TRMT44: variants seen among roughly 807,000 people sequenced by gnomAD.
TRMT44 encodes probable tRNA (uracil-O(2)-)-methyltransferase.
TRMT44 carries 78 observed loss-of-function variants against 77.3 expected under a neutral mutation model. The observed-to-expected ratio is 1.01, with a 90% CI of 0.84 to 1.22. The LOEUF (loss-of-function observed/expected upper bound fraction) is 1.22. Among genes scored for constraint, TRMT44 ranks in the 50% most tolerant of loss-of-function variants. TRMT44 has a pLI of 0.00. For missense variants in TRMT44, 1,090 were observed against 964.4 expected (o/e 1.13, Z -1.73); for synonymous variants, 391 against 383.3 (o/e 1.02, Z -0.23).
chr4:8,445,866 C>G (rs1051391072), intron 1 of TRMT44, among the ~76,000 whole-genome samples: 2 of 152,040 alleles, frequency 1.3e-5, no homozygotes, highest in Non-Finnish European at 2.9e-5. Context: ...CAAAGGTAAA[C>G]ACGATTGATT....
chr4:8,499,187 AG>A, the TRMT44 span, among the ~76,000 whole-genome samples: 7 of 152,044 alleles, frequency 4.6e-5, no homozygotes, highest in Non-Finnish European at 8.8e-5. Flanking sequence ...TCTGGGTTCT[AG>A]GGTCCTGGGG....
rs546060570 is a variant in TRMT44 at position 8,461,208 on chromosome 4, T to C, written c.1204-2777T>C. Among the ~76,000 whole-genome samples, 2 of 152,288 alleles carry C rather than the reference T, an allele frequency of 1.3e-5. No individual in the cohort carries two copies. The highest frequency in any genetic ancestry group is 2.9e-5 in the Non-Finnish European group (2 of 68,016). On this transcript the variant is annotated intron_variant, in intron 6 of 10. Coordinates refer to ENST00000389737, the MANE Select transcript of TRMT44 (RefSeq NM_152544.3). This position sits in a 1 kb window ranked among gnomAD's most constrained non-coding sequence, Gnocchi z 4.6. Reference sequence around the variant, plus strand: ...GCTTTGTTTTACAGTGATTGGCAGTTGCTTGTCCACTCATACATTACATTA... The same window carrying C: ...GCTTTGTTTTACAGTGATTGGCAGTCGCTTGTCCACTCATACATTACATTA...
intron 6 of TRMT44, among the ~76,000 whole-genome samples, chr4:8,462,168 T>C (rs948459247): frequency 6.6e-6 from 1 of 152,040 alleles, no homozygotes; most frequent in Non-Finnish European, 1.5e-5. Context: ...CCCAGCACTT[T>C]GGGAGGCCGA....
chr4:8,502,490 G>A, the TRMT44 span, among the ~76,000 whole-genome samples: 2 of 152,246 alleles, frequency 1.3e-5, no homozygotes, highest in South Asian at 2.1e-4. Flanking sequence ...CCCTGCTCAC[G>A]GTCACATCAG....
At chr4:8,474,700 G>A (rs1727254627) in intron 10 of TRMT44, among the ~76,000 whole-genome samples, 1 of 152,240 alleles carries the variant, frequency 6.6e-6, no homozygotes, top group Admixed American at 6.5e-5. Context: ...CGAGCCTTCT[G>A]TCGTGAGCGG....
intron 9 of TRMT44, among the ~76,000 whole-genome samples, chr4:8,469,491 C>T (rs1191746226): frequency 1.3e-5 from 2 of 152,208 alleles, no homozygotes; most frequent in Admixed American, 6.5e-5. Context: ...TAAACAGTGA[C>T]AGTTCTTGAG....
chr4:8,457,691 G>A (rs1725889352), intron 6 of TRMT44, among the ~76,000 whole-genome samples: 1 of 152,230 alleles, frequency 6.6e-6, no homozygotes, highest in South Asian at 2.1e-4. Flanking sequence ...AAGCTACCGA[G>A]CCTGAAACAA....
At chr4:8,447,104 G>C (rs1040445261) in intron 2 of TRMT44, among the ~76,000 whole-genome samples, 3 of 152,140 alleles carry the variant, frequency 2.0e-5, no homozygotes, top group Non-Finnish European at 4.4e-5. Context: ...TCAAACTCCT[G>C]ACCTCAGGTG....
intron 5 of TRMT44, chr4:8,453,787 A>G (rs1360245196): frequency 6.6e-6 from 1 of 152,278 alleles, no homozygotes; most frequent in African/African-American, 2.4e-5. Flanking sequence ...CTAGGGGGCA[A>G]CAGCTGGAAC....
Position 8,446,430 on chromosome 4 carries a change from G to A in TRMT44, c.620-46G>A. On this transcript the variant is annotated intron_variant, in intron 1 of 10. Coordinates refer to ENST00000389737, the MANE Select transcript of TRMT44 (RefSeq NM_152544.3). The surrounding 1 kb of genome is among the most constrained non-coding windows in gnomAD (Gnocchi z 4.3). ...TTTTAATACTGCTTCTGATGAGACG[G>A]TAGCTAGGCAGTTGTAATTTGTCCT... 2 of 1,228,658 alleles carry A rather than the reference G, an allele frequency of 1.6e-6. No homozygotes were observed. The highest frequency in any genetic ancestry group is 2.3e-6 in the Non-Finnish European group (2 of 868,400). 76.1% of individuals were successfully genotyped at this position (1,228,658 alleles called of 1,614,324 possible).
In TRMT44 at chr4:8,444,632, A is replaced by C. The variant is rs180743961; in HGVS notation, c.620-1844A>C. Reference sequence around the variant, plus strand: ...AGACTGGTCTCCTACTCCTGACCTCACGTGATCCGCCTGCCTTGGCCTCCC... The same window carrying C: ...AGACTGGTCTCCTACTCCTGACCTCCCGTGATCCGCCTGCCTTGGCCTCCC... On this transcript the variant is annotated intron_variant, in intron 1 of 10. Coordinates refer to ENST00000389737, the MANE Select transcript of TRMT44 (RefSeq NM_152544.3). The surrounding 1 kb of genome is among the most constrained non-coding windows in gnomAD (Gnocchi z 4.0). 6.6e-5 allele frequency among the ~76,000 whole-genome samples: 10 copies of C among 152,306 alleles called. No homozygotes were observed. The East Asian group carries it at 1.9e-3, about 29-fold the overall frequency.
rs749119568 is a variant in TRMT44, at chr4:8,467,965, G to C, written c.1546G>C (p.Val516Leu). ...RTYPSSREAS[V>L]DEKRTQYIKS... ...ATACCCTTCCTCCAGAGAAGCTTCC[G>C]TGGATGAAAAGAGGACTCAGTACAT... Residue 516 changes from valine to leucine, a missense_variant, in exon 9 of 11, where the codon GTG becomes CTG. Val to Leu is a conservative substitution (Grantham distance 32). Transcript: ENST00000389737. 1.2e-6 allele frequency: 2 copies of C among 1,613,898 alleles called. No homozygotes were observed. Among genetic ancestry groups the C allele is most frequent in the East Asian group, 2.2e-5 (1 of 44,866 alleles).
chr4:8,499,732 G>A, the TRMT44 span, among the ~76,000 whole-genome samples: 1 of 152,202 alleles, frequency 6.6e-6, no homozygotes, highest in African/African-American at 2.4e-5. Flanking sequence ...GCAGAAAGAG[G>A]GGGATCACAG....
chr4:8,474,598 G>T (rs1185741260), intron 10 of TRMT44, among the ~76,000 whole-genome samples: 3 of 152,250 alleles, frequency 2.0e-5, no homozygotes, highest in Admixed American at 6.5e-5. Context: ...AAGGTGATTT[G>T]AAGGCAGAAT....
the TRMT44 span, among the ~76,000 whole-genome samples, chr4:8,502,314 C>T: frequency 1.3e-5 from 2 of 152,220 alleles, no homozygotes; most frequent in African/African-American, 2.4e-5. Context: ...TTGACCACAT[C>T]TGCAATCCTC....
downstream of TRMT44, among the ~76,000 whole-genome samples, chr4:8,494,623 GTC>G (rs1289133354): frequency 6.6e-6 from 1 of 152,170 alleles, no homozygotes; most frequent in African/African-American, 2.4e-5. Flanking sequence ...GATGTCTCAT[GTC>G]TCCCTAAAAA....
At position 8,441,231 on chromosome 4, in the gene TRMT44, T is replaced by A. The variant is rs1388269659; in HGVS notation, c.409T>A (p.Phe137Ile). The A allele has an allele frequency of 1.3e-6, 2 of 1,535,544 alleles. No homozygotes were observed. The highest frequency in any genetic ancestry group is 3.9e-5 in the Admixed American group (2 of 50,956). ...PGHAEGREGDFPAADLDSLWE... is the reference protein window; with the variant it reads ...PGHAEGREGDIPAADLDSLWE... ...CCATGCTGAAGGAAGGGAGGGCGAC[T>A]TCCCCGCCGCAGATCTGGATTCGCT... is the stretch of plus-strand genomic sequence containing the variant. The change falls in exon 1 of 11, where the codon TTC becomes ATC. Residue 137 changes from phenylalanine (F) to isoleucine (I), a missense_variant. By Grantham distance (21) the Phe-to-Ile change is conservative. Coordinates refer to ENST00000389737, the MANE Select transcript of TRMT44 (RefSeq NM_152544.3).
At chr4:8,484,921 AG>A (rs1374540836) in intron 2 of TRMT44, among the ~76,000 whole-genome samples, 1 of 152,214 alleles carries the variant, frequency 6.6e-6, no homozygotes, top group Non-Finnish European at 1.5e-5. Context: ...ATGCCGAGAT[AG>A]GTAACAGATG....
At chr4:8,470,612 C>G (rs1452775957) in intron 9 of TRMT44, among the ~76,000 whole-genome samples, 1 of 152,170 alleles carries the variant, frequency 6.6e-6, no homozygotes, top group Non-Finnish European at 1.5e-5. Flanking sequence ...TTTTTAGTGC[C>G]TAGCATGGCC....
Sources: allele counts gnomAD v4.1 joint callset (sites outside exome capture counted in the v4.1 genomes callset), GRCh38; gene constraint gnomAD v4.1.1; non-coding constraint Gnocchi (gnomAD v3.1); transcripts MANE v1.5; gene names NCBI Gene and HGNC (gene_info 2026-07-23, HGNC 2026-07-21).